Variants in NRTN observed in about 807,000 individuals in gnomAD.
NRTN encodes prepro-neurturin.
A neutral mutation model predicts 7.5 loss-of-function variants in NRTN; 3 were observed. The ratio of observed to expected loss-of-function variants is 0.40; its 90% CI spans 0.18 to 1.03. The LOEUF (loss-of-function observed/expected upper bound fraction) is 1.03, where lower values mean the gene tolerates loss of function less well. Among genes scored for constraint, NRTN ranks in the 50% least tolerant of loss-of-function variants. The pLI is 0.34. For synonymous variants in NRTN, 157 were observed against 146.6 expected (o/e 1.07, Z -0.51); for missense variants, 310 against 307.0 (o/e 1.01, Z -0.07).
At chr19:5,819,320 A>G (rs1234279116) in intron 1 of NRTN, among the ~76,000 whole-genome samples, 1 of 152,166 alleles carries the variant, frequency 6.6e-6, no homozygotes, top group Non-Finnish European at 1.5e-5. Context: ...TGAGCCCAGG[A>G]GTTCAAGACC....
At chr19:5,809,072 T>C (rs1206072909) in intron 1 of NRTN, among the ~76,000 whole-genome samples, 1 of 151,678 alleles carries the variant, frequency 6.6e-6, no homozygotes, top group Non-Finnish European at 1.5e-5. Context: ...GCATCTTTAC[T>C]GTCATCCAGG....
In NRTN at chr19:5,828,265, C is replaced by T. The variant is rs1294328761; in HGVS notation, c.*92C>T. ...CGAAAGACTGCGCGTGCGTAGAGCA[C>T]GCCGGCGCGGCCCCGGGACTCTCGC... On this transcript the variant is annotated 3_prime_UTR_variant, in exon 3 of 3. Transcript: ENST00000303212. 7 of 1,377,326 alleles carry T rather than the reference C, an allele frequency of 5.1e-6. No homozygotes were observed. Among genetic ancestry groups the T allele is most frequent in the Non-Finnish European group, 6.8e-6 (7 of 1,029,798 alleles). The allele number at this position is 1,377,326 out of a possible 1,614,324, so 85.3% of individuals were successfully genotyped here.
At position 5,806,572 on chromosome 19, in the gene NRTN, ACTGCCAG is replaced by A. The variant is rs2056975740; in HGVS notation, c.-399+1124_-399+1130del. Among the ~76,000 whole-genome samples the A allele has an allele frequency of 2.0e-5, 3 of 151,916 alleles. No homozygotes were observed. Among genetic ancestry groups the A allele is most frequent in the African/African-American group, 7.2e-5 (3 of 41,412 alleles). ...CAGTGAGGGGCAGGATCCCACCCAC[ACTGCCAG>A]CTTCTCCCACCCCCAGCTTCTTGCC... is the stretch of plus-strand genomic sequence containing the variant. On this transcript the variant is annotated intron_variant, in intron 1 of 2. Coordinates refer to ENST00000303212, the MANE Select transcript of NRTN (RefSeq NM_004558.5). The surrounding 1 kb of genome is among the most constrained non-coding windows in gnomAD (Gnocchi z 5.4).
In NRTN at chr19:5,809,285, G is replaced by A. The variant is rs530109685; in HGVS notation, c.-399+3834G>A. ...TCCTGGACTCAAGCGATCCTCTTGC[G>A]TCAGCTTCCTGAGTAGCTGGGACTA... is the stretch of plus-strand genomic sequence containing the variant. On this transcript the variant is annotated intron_variant, in intron 1 of 2. Transcript: ENST00000303212. 1.2e-4 allele frequency among the ~76,000 whole-genome samples: 18 copies of A among 150,326 alleles called. No homozygotes were observed. The South Asian group carries it at 2.7e-3, about 23-fold the overall frequency.
chr19:5,811,227 G>GA (rs961519791), intron 1 of NRTN, among the ~76,000 whole-genome samples: 28 of 151,690 alleles, frequency 1.8e-4, no homozygotes, highest in Non-Finnish European at 2.7e-4. Context: ...CTTTTGTCTT[G>GA]AAAAAAAGAA....
intron 2 of NRTN, among the ~76,000 whole-genome samples, chr19:5,827,337 A>G (rs1271374666): frequency 6.6e-6 from 1 of 150,544 alleles, no homozygotes; most frequent in East Asian, 2.0e-4. Flanking sequence ...GTCCAGATAG[A>G]TTTGCGATGG....
At position 5,824,091 on chromosome 19, in the gene NRTN, A is replaced by T; in HGVS notation, c.-75A>T. On this transcript the variant is annotated 5_prime_UTR_variant, in exon 2 of 3. Coordinates refer to ENST00000303212, the MANE Select transcript of NRTN (RefSeq NM_004558.5). ...AAGGCCCCACACTGAGTCCTGGCCC[A>T]GCGCCCTGTGCCCGTTGGCTGCTGG... 2 of 1,583,562 alleles carry T rather than the reference A, an allele frequency of 1.3e-6. No homozygotes were observed. Among genetic ancestry groups the T allele is most frequent in the Non-Finnish European group, 1.7e-6 (2 of 1,166,990 alleles).
At chr19:5,808,869 C>A (rs908331313) in intron 1 of NRTN, among the ~76,000 whole-genome samples, 41 of 151,668 alleles carry the variant, frequency 2.7e-4, no homozygotes, top group African/African-American at 9.2e-4. Context: ...CATTCTCCTG[C>A]CTCAGCCTCC....
In NRTN at chr19:5,816,181, G is replaced by A. The variant is rs190023279; in HGVS notation, c.-398-7587G>A. On this transcript the variant is annotated intron_variant, in intron 1 of 2. Transcript: ENST00000303212. ...CTCCCAAAGTGCTGGGATTATAGGC[G>A]TGAGCCACTGAGCCTGGCCGAGTTT... Among the ~76,000 whole-genome samples, 328 of 152,018 alleles carry A rather than the reference G, an allele frequency of 2.2e-3. 3 individuals carry two copies. The highest frequency in any genetic ancestry group is 3.4e-3 in the Non-Finnish European group (229 of 67,972).
At chr19:5,816,149 C>T (rs545149932) in intron 1 of NRTN, among the ~76,000 whole-genome samples, 39 of 152,242 alleles carry the variant, frequency 2.6e-4, no homozygotes, top group Middle Eastern at 3.4e-3. Flanking sequence ...GAACTCCCCG[C>T]CTCAGCCTCC....
chr19:5,815,151 CCT>C (rs1491244264), intron 1 of NRTN, among the ~76,000 whole-genome samples: 1 of 152,174 alleles, frequency 6.6e-6, no homozygotes, highest in Non-Finnish European at 1.5e-5. Flanking sequence ...CCTGTGCACC[CCT>C]GTGTGTGTGT....
chr19:5,806,314 C>G lies in NRTN; in HGVS notation c.-399+863C>G, dbSNP rs1180743666. Among the ~76,000 whole-genome samples the G allele has an allele frequency of 1.3e-5, 2 of 152,116 alleles. No homozygotes were observed. The highest frequency in any genetic ancestry group is 4.8e-5 in the African/African-American group (2 of 41,406). The stretch of plus-strand genomic sequence containing the variant: ...AGAACGCATCCGACCTGCCCACAGG[C>G]CTGTGATTACCTGCAGGGCTCGTCA... On this transcript the variant is annotated intron_variant, in intron 1 of 2. Coordinates refer to ENST00000303212, the MANE Select transcript of NRTN (RefSeq NM_004558.5). The surrounding 1 kb of genome is among the most constrained non-coding windows in gnomAD (Gnocchi z 5.4).
At chr19:5,823,312 G>A (rs59637174) in intron 1 of NRTN, among the ~76,000 whole-genome samples, 23,320 of 151,982 alleles carry the variant, frequency 0.15, 2,467 homozygotes, top group East Asian at 0.44. Flanking sequence ...AGCTACTCGG[G>A]GGGCTGAGGC....
At chr19:5,825,206 A>G (rs2057041474) in intron 2 of NRTN, among the ~76,000 whole-genome samples, 1 of 152,068 alleles carries the variant, frequency 6.6e-6, no homozygotes, top group Non-Finnish European at 1.5e-5. Context: ...GGACACAGAA[A>G]TGCCCACCCT....
chr19:5,827,880 C>A lies in NRTN; in HGVS notation c.301C>A (p.Arg101=). ...GCGCGCGCGTGCGCGGTTGGGGGCG[C>A]GGCCTTGCGGGCTGCGCGAGCTGGA... is the stretch of plus-strand genomic sequence containing the variant. ...RRRARARLGA[R]PCGLRELEVR... The change falls in exon 3 of 3, where the codon CGG becomes AGG. Residue 101 remains arginine, a synonymous_variant. Transcript: ENST00000303212. The A allele has an allele frequency of 7.6e-7, 1 of 1,312,098 alleles. No individual in the cohort carries two copies. The highest frequency in any genetic ancestry group is 9.7e-7 in the Non-Finnish European group (1 of 1,028,206). 81.3% of individuals were successfully genotyped at this position (1,312,098 alleles called of 1,614,324 possible).
chr19:5,826,058 C>A (rs992353739), intron 2 of NRTN, among the ~76,000 whole-genome samples: 3 of 152,084 alleles, frequency 2.0e-5, no homozygotes, highest in African/African-American at 7.2e-5. Context: ...TGGCGTGAAC[C>A]CGGGAGGCGG....
At chr19:5,817,038 G>A (rs2057007166) in intron 1 of NRTN, among the ~76,000 whole-genome samples, 1 of 152,004 alleles carries the variant, frequency 6.6e-6, no homozygotes, top group South Asian at 2.1e-4. Flanking sequence ...ATGTTTGGGT[G>A]TAAGTATGAA....
chr19:5,826,340 AC>A (rs988165753), intron 2 of NRTN, among the ~76,000 whole-genome samples: 3 of 150,986 alleles, frequency 2.0e-5, no homozygotes, highest in African/African-American at 7.3e-5. Context: ...GTCATCGCCC[AC>A]CCCCCGCACC....
At chr19:5,823,306 A>C (rs956149777) in intron 1 of NRTN, among the ~76,000 whole-genome samples, 1 of 151,984 alleles carries the variant, frequency 6.6e-6, no homozygotes, top group South Asian at 2.1e-4. Flanking sequence ...AATCCCAGCT[A>C]CTCGGGGGGC....
Sources: allele counts gnomAD v4.1 joint callset (sites outside exome capture counted in the v4.1 genomes callset), GRCh38; gene constraint gnomAD v4.1.1; non-coding constraint Gnocchi (gnomAD v3.1); transcripts MANE v1.5; gene names NCBI Gene and HGNC (gene_info 2026-07-23, HGNC 2026-07-21).